C8orf34: variants seen among roughly 807,000 people sequenced by gnomAD.
C8orf34 encodes the protein chromosome 8 open reading frame 34.
C8orf34 carries 65 observed loss-of-function variants against 68.3 expected under a neutral mutation model. The ratio of observed to expected loss-of-function variants is 0.95; its 90% confidence interval spans 0.78 to 1.17. The LOEUF (loss-of-function observed/expected upper bound fraction) is 1.17. Ranked by LOEUF, C8orf34 falls within the 50% of genes most tolerant of loss-of-function variation. The probability of loss-of-function intolerance (pLI) is 0.00; values close to 1 mark genes in which losing one functional copy is unlikely to be tolerated. For missense variants in C8orf34, 664 were observed against 655.4 expected (o/e 1.01, Z -0.14); for synonymous variants, 244 against 241.2 (o/e 1.01, Z -0.11).
chr8:68,484,455 A>T (rs532212265), intron 4 of C8orf34, among the ~76,000 whole-genome samples: 1 of 152,310 alleles, frequency 6.6e-6, no homozygotes, highest in South Asian at 2.1e-4. Flanking sequence ...GTGCTCATTA[A>T]GAGTCCTACC....
At chr8:68,657,836 T>A (rs1485996613) in intron 8 of C8orf34, among the ~76,000 whole-genome samples, 1 of 152,174 alleles carries the variant, frequency 6.6e-6, no homozygotes, top group Non-Finnish European at 1.5e-5. Context: ...ATAGGGAAGT[T>A]ATTGCCAAGG....
intron 1 of C8orf34, among the ~76,000 whole-genome samples, chr8:68,405,290 T>G (rs971697089): frequency 3.9e-5 from 6 of 152,314 alleles, no homozygotes; most frequent in African/African-American, 1.4e-4. Context: ...ACTTGAATCC[T>G]TAGATATTAG....
intron 7 of C8orf34, among the ~76,000 whole-genome samples, chr8:68,536,210 G>A (rs1364233949): frequency 6.6e-6 from 1 of 151,240 alleles, no homozygotes; most frequent in African/African-American, 2.4e-5. Context: ...ACGAAACCTC[G>A]TCTCTACAAA....
intron 12 of C8orf34, among the ~76,000 whole-genome samples, chr8:68,813,368 TG>T (rs1382575235): frequency 6.7e-6 from 1 of 150,226 alleles, no homozygotes; most frequent in Non-Finnish European, 1.5e-5. Context: ...CAGATAATTC[TG>T]TTTTTTTTTT....
At chr8:68,794,298 AGTAGCTG>A (rs1040823714) in intron 12 of C8orf34, among the ~76,000 whole-genome samples, 4 of 150,972 alleles carry the variant, frequency 2.6e-5, no homozygotes, top group Admixed American at 6.6e-5. Flanking sequence ...CAGCCTCCCA[AGTAGCTG>A]GGACTACAGA....
At chr8:68,424,624 T>A (rs529690545) in intron 1 of C8orf34, among the ~76,000 whole-genome samples, 1 of 152,066 alleles carries the variant, frequency 6.6e-6, no homozygotes, top group East Asian at 1.9e-4. Context: ...GAAATAGAGA[T>A]TGTAAAAAAG....
At chr8:68,558,518 A>T (rs879299313) in intron 7 of C8orf34, among the ~76,000 whole-genome samples, 3 of 151,916 alleles carry the variant, frequency 2.0e-5, no homozygotes, top group Non-Finnish European at 4.4e-5. Flanking sequence ...AATATGGAGG[A>T]TTTAATTAAT....
chr8:68,774,569 T>A (rs764314889), intron 10 of C8orf34, among the ~76,000 whole-genome samples: 2 of 151,914 alleles, frequency 1.3e-5, no homozygotes, highest in Non-Finnish European at 2.9e-5. Context: ...CTACGGCATA[T>A]TAATGTTTTG....
chr8:68,803,171 A>G (rs73283878), intron 12 of C8orf34, among the ~76,000 whole-genome samples: 158 of 152,266 alleles, frequency 1.0e-3, no homozygotes, highest in African/African-American at 3.5e-3. Flanking sequence ...CCTCGATTCC[A>G]ATACATAACA....
At chr8:68,385,432 T>C (rs1167214522) in intron 1 of C8orf34, among the ~76,000 whole-genome samples, 1 of 152,152 alleles carries the variant, frequency 6.6e-6, no homozygotes, top group Non-Finnish European at 1.5e-5. Flanking sequence ...GAAAACTAGG[T>C]ATATTCTGGA....
intron 7 of C8orf34, among the ~76,000 whole-genome samples, chr8:68,625,068 G>T (rs1340909510): frequency 6.6e-6 from 1 of 152,170 alleles, no homozygotes; most frequent in Non-Finnish European, 1.5e-5. Context: ...AAGAATGATA[G>T]AGGTTGCTCT....
At chr8:68,352,242 G>A (rs1014081043) in intron 1 of C8orf34, among the ~76,000 whole-genome samples, 1 of 151,972 alleles carries the variant, frequency 6.6e-6, no homozygotes, top group Non-Finnish European at 1.5e-5. Context: ...TGAAGAGGAA[G>A]CATATATGTA....
At chr8:68,337,751 T>C (rs892735908) in intron 1 of C8orf34, among the ~76,000 whole-genome samples, 2 of 152,226 alleles carry the variant, frequency 1.3e-5, no homozygotes, top group African/African-American at 2.4e-5. Flanking sequence ...CAGAATTTCA[T>C]CAATGTTTAT....
At chr8:68,756,942 G>T (rs933091941) in intron 10 of C8orf34, among the ~76,000 whole-genome samples, 2 of 152,022 alleles carry the variant, frequency 1.3e-5, no homozygotes, top group Non-Finnish European at 2.9e-5. Flanking sequence ...TTGACAGATG[G>T]GTTAATAAAT....
intron 7 of C8orf34, among the ~76,000 whole-genome samples, chr8:68,637,803 CT>C (rs1473706345): frequency 3.3e-5 from 5 of 152,112 alleles, no homozygotes; most frequent in African/African-American, 1.2e-4. Flanking sequence ...AATGCTTTGG[CT>C]TTAATTCCCT....
chr8:68,500,957 T>C (rs961874230), intron 5 of C8orf34, among the ~76,000 whole-genome samples: 1 of 152,140 alleles, frequency 6.6e-6, no homozygotes, highest in East Asian at 1.9e-4. Context: ...GGCTGAACAC[T>C]TCAAAGAAAT....
intron 4 of C8orf34, among the ~76,000 whole-genome samples, chr8:68,486,061 G>A (rs1010603202): frequency 6.6e-6 from 1 of 152,102 alleles, no homozygotes; most frequent in Admixed American, 6.6e-5. Context: ...TATAGAATGT[G>A]ACATAAGCCA....
At chr8:68,734,056 G>A (rs1822058470) in intron 10 of C8orf34, among the ~76,000 whole-genome samples, 1 of 151,968 alleles carries the variant, frequency 6.6e-6, no homozygotes, top group African/African-American at 2.4e-5. Context: ...TTGCATTCCA[G>A]TAGTAAGAAT....
At chr8:68,343,872 G>A (rs780175246) in intron 1 of C8orf34, among the ~76,000 whole-genome samples, 1 of 152,068 alleles carries the variant, frequency 6.6e-6, no homozygotes, top group African/African-American at 2.4e-5. Context: ...GATTACAGGC[G>A]TGAGCCACCA....
Sources: gnomAD v4.1 joint callset for allele counts (sites outside exome capture counted in the v4.1 genomes callset) on GRCh38, gnomAD v4.1.1 for gene constraint, MANE v1.5 for transcripts, NCBI Gene and HGNC (gene_info 2026-07-23, HGNC 2026-07-21) for gene names.